Variants in AP3B1 observed in about 807,000 individuals in gnomAD.
AP3B1 encodes AP-3 complex subunit beta-1.
Under a neutral mutation model 132.5 loss-of-function variants are expected in AP3B1, and 61 were observed. The observed-to-expected ratio is 0.46, with a 90% confidence interval of 0.37 to 0.57. The LOEUF is 0.57. Ranked by LOEUF, AP3B1 falls within the 20% of genes least tolerant of loss-of-function variation. The pLI is 0.00. For missense variants in AP3B1, 1,120 were observed against 1,289.4 expected (o/e 0.87, Z 2.01); for synonymous variants, 388 against 438.3 (o/e 0.89, Z 1.43).
At chr5:78,008,220 C>A (rs1746477416) in intron 26 of AP3B1, among the ~76,000 whole-genome samples, 1 of 152,110 alleles carries the variant, frequency 6.6e-6, no homozygotes, top group Admixed American at 6.5e-5. Context: ...AATAGTAAAA[C>A]AAATACATTC....
intron 7 of AP3B1, among the ~76,000 whole-genome samples, chr5:78,181,971 T>G (rs922691338): frequency 6.6e-6 from 1 of 152,156 alleles, no homozygotes; most frequent in Non-Finnish European, 1.5e-5. Flanking sequence ...CGTTAGATTT[T>G]AACAAGGCCT....
At chr5:78,213,522 T>TA (rs1745836733) in intron 7 of AP3B1, among the ~76,000 whole-genome samples, 1 of 152,180 alleles carries the variant, frequency 6.6e-6, no homozygotes, top group African/African-American at 2.4e-5. Context: ...GAACTGAACA[T>TA]ATGTACGTAT....
chr5:78,074,088 G>A (rs1203678324), intron 22 of AP3B1, among the ~76,000 whole-genome samples: 1 of 151,988 alleles, frequency 6.6e-6, no homozygotes, highest in Non-Finnish European at 1.5e-5. Flanking sequence ...CGCCAGTTAG[G>A]ACAAACTGGC....
intron 24 of AP3B1, among the ~76,000 whole-genome samples, chr5:78,023,468 A>AAAAG (rs755239519): frequency 6.6e-6 from 1 of 151,646 alleles, no homozygotes; most frequent in Non-Finnish European, 1.5e-5. Context: ...AAAAGAAAAG[A>AAAAG]AAAAAGAAAG....
chr5:78,270,921 T>C (rs756197851), intron 1 of AP3B1, among the ~76,000 whole-genome samples: 6 of 152,114 alleles, frequency 3.9e-5, no homozygotes, highest in Non-Finnish European at 7.4e-5. Flanking sequence ...GACACAGCAA[T>C]GAACAAAAAT....
intron 22 of AP3B1, among the ~76,000 whole-genome samples, chr5:78,061,468 T>C (rs528601267): frequency 1.3e-5 from 2 of 152,348 alleles, no homozygotes; most frequent in South Asian, 4.1e-4. Flanking sequence ...ACATTAAGTA[T>C]GGCAGAAGGT....
At chr5:78,130,491 TA>T (rs1418153280) in intron 15 of AP3B1, among the ~76,000 whole-genome samples, 18 of 152,046 alleles carry the variant, frequency 1.2e-4, no homozygotes, top group African/African-American at 4.1e-4. Flanking sequence ...CCAGTTTTAT[TA>T]AAGTAGAATT....
At chr5:78,070,851 C>T (rs146322095) in intron 22 of AP3B1, among the ~76,000 whole-genome samples, 7 of 152,200 alleles carry the variant, frequency 4.6e-5, no homozygotes. Context: ...CAAAGCAAAA[C>T]CACAATGAGA....
intron 22 of AP3B1, among the ~76,000 whole-genome samples, chr5:78,057,711 T>C (rs1276385523): frequency 1.3e-5 from 2 of 152,226 alleles, no homozygotes; most frequent in Non-Finnish European, 2.9e-5. Flanking sequence ...CATTATTTAC[T>C]TGTGATCTAC....
chr5:78,194,032 G>A (rs1040778550), intron 7 of AP3B1, among the ~76,000 whole-genome samples: 1 of 151,818 alleles, frequency 6.6e-6, no homozygotes, highest in East Asian at 1.9e-4. Context: ...CTCCCAAAGT[G>A]CCTGGATTAC....
At chr5:78,086,466 G>GTT (rs1252471615) in intron 22 of AP3B1, among the ~76,000 whole-genome samples, 1 of 152,156 alleles carries the variant, frequency 6.6e-6, no homozygotes, top group Non-Finnish European at 1.5e-5. Context: ...GGCACTGGGA[G>GTT]GTAAACTGGC....
At chr5:78,138,850 A>C (rs1753020922) in intron 15 of AP3B1, among the ~76,000 whole-genome samples, 1 of 150,630 alleles carries the variant, frequency 6.6e-6, no homozygotes, top group Non-Finnish European at 1.5e-5. Flanking sequence ...CATGCCTGTA[A>C]TCCCAGCTAC....
At chr5:78,246,334 T>C (rs569542613) in intron 2 of AP3B1, among the ~76,000 whole-genome samples, 1 of 152,370 alleles carries the variant, frequency 6.6e-6, no homozygotes, top group East Asian at 1.9e-4. Context: ...TCCAATCCTC[T>C]ATGTTCATGA....
At chr5:78,194,435 G>A (rs897098279) in intron 7 of AP3B1, among the ~76,000 whole-genome samples, 1 of 152,056 alleles carries the variant, frequency 6.6e-6, no homozygotes, top group Non-Finnish European at 1.5e-5. Context: ...TATCATACAT[G>A]GGATTTCTAA....
At chr5:78,183,111 C>G (rs1744437649) in intron 7 of AP3B1, among the ~76,000 whole-genome samples, 2 of 152,216 alleles carry the variant, frequency 1.3e-5, no homozygotes, top group African/African-American at 4.8e-5. Flanking sequence ...TACCTTGTAT[C>G]CCTCCTAGCA....
intron 22 of AP3B1, among the ~76,000 whole-genome samples, chr5:78,081,981 C>T (rs1750030305): frequency 6.6e-6 from 1 of 152,018 alleles, no homozygotes; most frequent in South Asian, 2.1e-4. Flanking sequence ...TTAGATATGC[C>T]CAGTACAAAA....
intron 7 of AP3B1, among the ~76,000 whole-genome samples, chr5:78,203,385 C>A (rs1305174735): frequency 6.6e-6 from 1 of 152,016 alleles, no homozygotes; most frequent in Non-Finnish European, 1.5e-5. Flanking sequence ...GGGGAAAGCC[C>A]CTTATAAAAC....
chr5:78,227,539 A>G lies in AP3B1; in HGVS notation c.376-7T>C. On this transcript the variant is annotated splice_polypyrimidine_tract_variant and splice_region_variant and intron_variant, in intron 4 of 26. Coordinates refer to ENST00000255194, the MANE Select transcript of AP3B1 (RefSeq NM_003664.5). ...GAATTAGTTGGTTTGGGTCCTAAAAATAGTGCAAAAATATTCACCAAAATT... is the reference window on the plus strand; with the variant it reads ...GAATTAGTTGGTTTGGGTCCTAAAAGTAGTGCAAAAATATTCACCAAAATT... 1.9e-6 allele frequency: 3 copies of G among 1,613,522 alleles called. No individual in the cohort carries two copies. The highest frequency in any genetic ancestry group is 2.5e-6 in the Non-Finnish European group (3 of 1,179,626).
chr5:78,088,209 C>T (rs771998206), intron 22 of AP3B1, among the ~76,000 whole-genome samples: 2 of 152,124 alleles, frequency 1.3e-5, no homozygotes, highest in Non-Finnish European at 2.9e-5. Flanking sequence ...ATATTTATTA[C>T]CTGAATAAAT....
Sources: allele counts gnomAD v4.1 joint callset (sites outside exome capture counted in the v4.1 genomes callset), GRCh38; gene constraint gnomAD v4.1.1; transcripts MANE v1.5; gene names NCBI Gene and HGNC (gene_info 2026-07-23, HGNC 2026-07-21).